PCGF3: variants seen among roughly 807,000 people sequenced by gnomAD.
PCGF3 encodes polycomb group RING finger protein 3.
Under a neutral mutation model 33.1 loss-of-function variants are expected in PCGF3, and 7 were observed. The observed-to-expected ratio is 0.21, with a 90% CI of 0.12 to 0.40. The LOEUF (loss-of-function observed/expected upper bound fraction) is 0.40, where lower values mean the gene tolerates loss of function less well. PCGF3 is among the 10% of genes least tolerant of loss of function. The pLI, the probability that PCGF3 is intolerant of heterozygous loss-of-function variation, is 1.00. For synonymous variants in PCGF3, 153 were observed against 121.3 expected (o/e 1.26, Z -1.72); for missense variants, 211 against 313.3 (o/e 0.67, Z 2.46).
rs531401267 is a variant in PCGF3, at chr4:712,593, C to T, written c.-190+6623C>T. On this transcript the variant is annotated intron_variant, in intron 1 of 10. Transcript: ENST00000362003. ...CCCTAAGTAGCTGGGATTACAGGCGCCTGCCACCATGCCCGGCTAAGTTTT... is the reference window on the plus strand; with the variant it reads ...CCCTAAGTAGCTGGGATTACAGGCGTCTGCCACCATGCCCGGCTAAGTTTT... Among the ~76,000 whole-genome samples, 8 of 152,162 alleles carry T rather than the reference C, an allele frequency of 5.3e-5. 1 individual carries two copies. The South Asian group carries it at 1.5e-3, about 28-fold the overall frequency.
exon 3 of PCGF3, chr4:731,096 G>A (rs531242383): frequency 1.8e-5 from 7 of 398,470 alleles, no homozygotes; most frequent in Non-Finnish European, 2.7e-5. Context: ...ACGGACACGC[G>A]GACGTCTAGC....
At chr4:714,180 G>C (rs1298521529) in intron 1 of PCGF3, among the ~76,000 whole-genome samples, 1 of 152,144 alleles carries the variant, frequency 6.6e-6, no homozygotes, top group Admixed American at 6.5e-5. Flanking sequence ...CCAAATCTGC[G>C]AGCGCCTTGA....
At chr4:747,761 T>G (rs1489793993) in intron 8 of PCGF3, among the ~76,000 whole-genome samples, 17 of 152,064 alleles carry the variant, frequency 1.1e-4, no homozygotes, top group Non-Finnish European at 1.8e-4. Flanking sequence ...CCTGTAATAG[T>G]GCAGTCCTGG....
chr4:725,989 C>T (rs1256320359), intron 1 of PCGF3, among the ~76,000 whole-genome samples: 1 of 152,148 alleles, frequency 6.6e-6, no homozygotes, highest in Non-Finnish European at 1.5e-5. Flanking sequence ...CAGCCTCTTC[C>T]GAGCCATGGT....
At chr4:734,065 C>T (rs540155308) in intron 4 of PCGF3, 19 of 1,550,720 alleles carry the variant, frequency 1.2e-5, no homozygotes, top group African/African-American at 9.6e-5. Context: ...GGCCAGTAGC[C>T]GCTGTGACAG....
At chr4:711,878 T>C (rs551977112) in intron 1 of PCGF3, among the ~76,000 whole-genome samples, 2 of 151,950 alleles carry the variant, frequency 1.3e-5, no homozygotes, top group African/African-American at 4.8e-5. Flanking sequence ...GGAGAATTGC[T>C]TGAACCCGGG....
chr4:713,813 G>A, intron 1 of PCGF3, among the ~76,000 whole-genome samples: 1 of 152,226 alleles, frequency 6.6e-6, no homozygotes, highest in Non-Finnish European at 1.5e-5. Context: ...ATTTCGCAGT[G>A]TGAGCCTGGC....
intron 1 of PCGF3, among the ~76,000 whole-genome samples, chr4:712,069 C>G (rs913435211): frequency 6.6e-6 from 1 of 151,996 alleles, no homozygotes; most frequent in African/African-American, 2.4e-5. Flanking sequence ...TATTATGATA[C>G]TTGCTGTTAA....
At chr4:744,710 C>T (rs1457276712) in intron 8 of PCGF3, 22 bp downstream of exon 8, 8 of 1,395,822 alleles carry the variant, frequency 5.7e-6, no homozygotes, top group East Asian at 2.5e-5. Context: ...CCGGGGGTCG[C>T]TGCAGTGTTA....
At chr4:765,932 G>A in intron 10 of PCGF3, 100 bp from the exon 11 acceptor site, 1 of 1,023,326 alleles carries the variant, frequency 9.8e-7, no homozygotes, top group African/African-American at 1.6e-5. Context: ...TGTGGACTGT[G>A]CCTCACGGGA....
At chr4:735,125 C>G in intron 5 of PCGF3, 98 bp downstream of exon 5, 6 of 1,333,324 alleles carry the variant, frequency 4.5e-6, no homozygotes, top group Non-Finnish European at 6.2e-6. Context: ...GTACTCCCAT[C>G]CTGCCTTGGC....
At chr4:757,843 T>C (rs1213769077) in intron 8 of PCGF3, 2 of 152,196 alleles carry the variant, frequency 1.3e-5, no homozygotes, top group African/African-American at 4.8e-5. Flanking sequence ...ATACTAGTGG[T>C]TACAAAATGT....
At chr4:722,670 GCGC>G (rs1743143215) in intron 1 of PCGF3, among the ~76,000 whole-genome samples, 1 of 104,538 alleles carries the variant, frequency 9.6e-6, no homozygotes, top group Non-Finnish European at 1.9e-5. Flanking sequence ...TCACCTGTCT[GCGC>G]TGGGTCCACA....
rs193070789 is a variant in PCGF3 at position 712,821 on chromosome 4, A to T, written c.-190+6851A>T. Among the ~76,000 whole-genome samples the T allele has an allele frequency of 1.1e-4, 16 of 152,322 alleles. No homozygotes were observed. In the East Asian group the frequency reaches 2.5e-3, roughly 24 times the overall value. The stretch of plus-strand genomic sequence containing the variant: ...TTTCTTTTTTCTTTTTTTCAAATTC[A>T]TTGATATTTGCTGGGCTTTGCTACA... On this transcript the variant is annotated intron_variant, in intron 1 of 10. Coordinates refer to ENST00000362003, the Ensembl canonical transcript of PCGF3.
chr4:722,097 G>C (rs938323569), intron 1 of PCGF3, among the ~76,000 whole-genome samples: 7 of 152,170 alleles, frequency 4.6e-5, no homozygotes, highest in Non-Finnish European at 7.4e-5. Flanking sequence ...GTCTGTGTGA[G>C]AGCAGCATCT....
chr4:712,907 A>G (rs949256632), intron 1 of PCGF3, among the ~76,000 whole-genome samples: 1 of 152,276 alleles, frequency 6.6e-6, no homozygotes, highest in Admixed American at 6.5e-5. Context: ...ATCTGTCTGC[A>G]GACTTCCTTG....
Position 737,405 on chromosome 4 carries a change from G to A in PCGF3, c.207-61G>A, listed in dbSNP as rs200304403. 3.2e-4 allele frequency: 337 copies of A among 1,069,060 alleles called. 1 individual carries two copies. In the Middle Eastern group the frequency reaches 0.015, roughly 46 times the overall value. 66.2% of individuals were successfully genotyped at this position (1,069,060 alleles called of 1,614,324 possible). On this transcript the variant is annotated intron_variant, in intron 5 of 10. Transcript: ENST00000362003. Reference sequence around the variant, plus strand: ...GAACTTTGATATTGTTAAATGGAAAGTGTACAAGAATTATAGAATTAACAT... The same window carrying A: ...GAACTTTGATATTGTTAAATGGAAAATGTACAAGAATTATAGAATTAACAT...
chr4:739,665 G>A (rs536216555), intron 6 of PCGF3, among the ~76,000 whole-genome samples: 46 of 152,294 alleles, frequency 3.0e-4, no homozygotes, highest in African/African-American at 1.0e-3. Context: ...GGCAGGTGTC[G>A]TCCATGTGCT....
chr4:753,621 C>T lies in PCGF3; in HGVS notation c.463-7658C>T, dbSNP rs186044809. ...TCACGCCACTGCACTCCAGCCTGGGCGACAGAGCGAGAGTCCGGTCTCAAA... is the reference window on the plus strand; with the variant it reads ...TCACGCCACTGCACTCCAGCCTGGGTGACAGAGCGAGAGTCCGGTCTCAAA... On this transcript the variant is annotated intron_variant, in intron 8 of 10. Transcript: ENST00000362003. 3.6e-4 allele frequency among the ~76,000 whole-genome samples: 52 copies of T among 144,010 alleles called. No individual in the cohort carries two copies. The East Asian group carries it at 5.8e-3, about 16-fold the overall frequency. 94.5% of individuals were successfully genotyped at this position (144,010 alleles called of 152,430 possible). A position where few individuals can be genotyped will look rare whatever the true frequency, so the allele number is the denominator to read the frequency against.
Sources: allele counts gnomAD v4.1 joint callset (sites outside exome capture counted in the v4.1 genomes callset), GRCh38; gene constraint gnomAD v4.1.1; transcripts MANE v1.5; gene names NCBI Gene and HGNC (gene_info 2026-07-23, HGNC 2026-07-21).